Variants in C12orf42 observed in about 807,000 individuals in gnomAD.
C12orf42 encodes chromosome 12 open reading frame 42.
Under a neutral mutation model 21.6 loss-of-function variants are expected in C12orf42, and 25 were observed. That is an observed-to-expected ratio of 1.16 (90% CI 0.84 to 1.62). The LOEUF is 1.62. Ranked by LOEUF, C12orf42 falls within the 40% of genes most tolerant of loss-of-function variation. C12orf42 has a pLI of 0.00. For synonymous variants in C12orf42, 174 were observed against 175.0 expected (o/e 0.99, Z 0.05); for missense variants, 483 against 459.3 (o/e 1.05, Z -0.47).
At position 103,361,344 on chromosome 12, in the gene C12orf42, G is replaced by T. The variant is rs185135509; in HGVS notation, c.259+7543C>A. ...AATTTAGAGAGCCGAGTGAAATACA[G>T]GGGTAGAGGAAGCAGCAGGAAAAGC... On this transcript the variant is annotated intron_variant, in intron 4 of 5. Transcript: ENST00000548883. Among the ~76,000 whole-genome samples, 502 of 152,226 alleles carry T rather than the reference G, an allele frequency of 3.3e-3. 3 individuals are homozygous for T. The highest frequency in any genetic ancestry group is 0.011 in the African/African-American group (476 of 41,556).
chr12:103,440,575 T>C (rs1951164751), intron 2 of C12orf42, among the ~76,000 whole-genome samples: 1 of 152,018 alleles, frequency 6.6e-6, no homozygotes. Flanking sequence ...ACATTTGTTA[T>C]TATGCAAATA....
the C12orf42 span, among the ~76,000 whole-genome samples, chr12:103,506,859 T>TTATATA: frequency 1.4e-4 from 9 of 66,224 alleles, no homozygotes; most frequent in African/African-American, 4.2e-4. Context: ...ATTTATATAT[T>TTATATA]ATATATATAT....
chr12:103,256,109 TATACACACACACACACACACAC>T (rs2034587411), intron 10 of C12orf42, among the ~76,000 whole-genome samples: 2 of 43,814 alleles, frequency 4.6e-5, no homozygotes, highest in African/African-American at 9.0e-5. Flanking sequence ...TATATATATA[TATACACACACACACACACACAC>T]ACACACACAC....
At chr12:103,186,991 ACT>A in the C12orf42 span, among the ~76,000 whole-genome samples, 1 of 152,122 alleles carries the variant, frequency 6.6e-6, no homozygotes, top group Non-Finnish European at 1.5e-5. Context: ...AAAAAAATTT[ACT>A]CTAACTCACA....
rs143781994 is a variant in C12orf42, at chr12:103,371,084, G to C, written c.148-2086C>G. On this transcript the variant is annotated intron_variant, in intron 3 of 5. Transcript: ENST00000548883. ...ACTATTTGGATATTGTGAATATTAT[G>C]TGTTCAGGATAGCATTAACTTACTG... Among the ~76,000 whole-genome samples the C allele has an allele frequency of 8.5e-5, 13 of 152,198 alleles. No homozygotes were observed. The East Asian group carries it at 2.5e-3, about 29-fold the overall frequency.
chr12:103,534,675 G>A, the C12orf42 span, among the ~76,000 whole-genome samples: 427 of 152,208 alleles, frequency 2.8e-3, 3 homozygotes, highest in African/African-American at 9.2e-3. Flanking sequence ...TATGGTAACC[G>A]GTAATAAGTG....
At chr12:103,101,257 A>G in the C12orf42 span, among the ~76,000 whole-genome samples, 1 of 152,312 alleles carries the variant, frequency 6.6e-6, no homozygotes, top group East Asian at 1.9e-4. Context: ...CAGTAAAGGT[A>G]AAAACTGTTC....
chr12:103,131,261 A>G, the C12orf42 span, among the ~76,000 whole-genome samples: 1 of 152,252 alleles, frequency 6.6e-6, no homozygotes, highest in East Asian at 1.9e-4. Flanking sequence ...GTCCTTGAAA[A>G]TTTATATAGG....
At chr12:103,254,813 G>A (rs760202205) in intron 10 of C12orf42, among the ~76,000 whole-genome samples, 2 of 152,032 alleles carry the variant, frequency 1.3e-5, no homozygotes. Context: ...ACGCATTCTG[G>A]GCTGAATACC....
At chr12:103,467,923 C>T (rs779757705) in intron 2 of C12orf42, among the ~76,000 whole-genome samples, 1 of 152,090 alleles carries the variant, frequency 6.6e-6, no homozygotes, top group Non-Finnish European at 1.5e-5. Flanking sequence ...GGTATTCTAC[C>T]TATATGCAGA....
the C12orf42 span, among the ~76,000 whole-genome samples, chr12:103,177,844 CGT>C: frequency 4.3e-5 from 6 of 140,256 alleles, no homozygotes; most frequent in South Asian, 4.7e-4. Flanking sequence ...GTTTAATGGC[CGT>C]GTGTGTGTGT....
intron 10 of C12orf42, among the ~76,000 whole-genome samples, chr12:103,253,515 C>T (rs2034407952): frequency 6.6e-6 from 1 of 152,046 alleles, no homozygotes; most frequent in African/African-American, 2.4e-5. Flanking sequence ...TTGAAGAGGT[C>T]CTTCATGTCC....
At chr12:103,296,050 T>C (rs1241692636) in intron 4 of C12orf42, among the ~76,000 whole-genome samples, 1 of 133,080 alleles carries the variant, frequency 7.5e-6, no homozygotes, top group Non-Finnish European at 1.5e-5. Context: ...TGTGTGATGT[T>C]CCGCTTCCTG....
chr12:103,083,791 C>T, the C12orf42 span, among the ~76,000 whole-genome samples: 1 of 152,116 alleles, frequency 6.6e-6, no homozygotes, highest in East Asian at 1.9e-4. Context: ...ATGAAGTATG[C>T]AAAATTTTTA....
chr12:103,524,585 A>T, the C12orf42 span, among the ~76,000 whole-genome samples: 4 of 152,238 alleles, frequency 2.6e-5, no homozygotes, highest in Admixed American at 6.5e-5. Flanking sequence ...TGATCAGCCC[A>T]GCAACACAGT....
chr12:103,183,222 C>A, the C12orf42 span, among the ~76,000 whole-genome samples: 1 of 152,230 alleles, frequency 6.6e-6, no homozygotes, highest in African/African-American at 2.4e-5. Context: ...GCTGGAACTA[C>A]AGGCACATGC....
intron 4 of C12orf42, among the ~76,000 whole-genome samples, chr12:103,313,871 C>T (rs1454059868): frequency 2.0e-5 from 3 of 152,176 alleles, no homozygotes; most frequent in African/African-American, 7.2e-5. Flanking sequence ...TTGTCCTGTG[C>T]TTGACCCTGG....
intron 4 of C12orf42, among the ~76,000 whole-genome samples, chr12:103,319,534 C>T (rs752824965): frequency 1.3e-5 from 2 of 152,212 alleles, no homozygotes; most frequent in Non-Finnish European, 2.9e-5. Flanking sequence ...AGCAAAAGAA[C>T]TCGACAGACC....
chr12:103,096,612 A>C, the C12orf42 span, among the ~76,000 whole-genome samples: 1 of 152,352 alleles, frequency 6.6e-6, no homozygotes, highest in African/African-American at 2.4e-5. Flanking sequence ...CTGATTGGCA[A>C]TTCCATAAAG....
Sources: gnomAD v4.1 joint callset for allele counts (sites outside exome capture counted in the v4.1 genomes callset) on GRCh38, gnomAD v4.1.1 for gene constraint, MANE v1.5 for transcripts, NCBI Gene and HGNC (gene_info 2026-07-23, HGNC 2026-07-21) for gene names.